SLC16A7: variants seen among roughly 807,000 people sequenced by gnomAD.
SLC16A7 encodes monocarboxylate transporter 2.
Under a neutral mutation model 34.9 loss-of-function variants are expected in SLC16A7, and 33 were observed. The observed-to-expected ratio is 0.94, with a 90% CI of 0.72 to 1.26. SLC16A7 has a LOEUF of 1.26. Among genes scored for constraint, SLC16A7 ranks in the 50% most tolerant of loss-of-function variants. The probability of loss-of-function intolerance (pLI) is 0.00; values close to 1 mark genes in which losing one functional copy is unlikely to be tolerated. For synonymous variants in SLC16A7, 201 were observed against 206.6 expected, an observed-to-expected ratio of 0.97 and a Z score of 0.23; for missense variants, 573 against 578.1, an observed-to-expected ratio of 0.99 and a Z score of 0.09.
chr12:59,760,950 ATTG>A (rs1356938929), intron 3 of SLC16A7, among the ~76,000 whole-genome samples: 3 of 152,252 alleles, frequency 2.0e-5, no homozygotes, highest in Middle Eastern at 3.4e-3. Flanking sequence ...TAATCGTTTC[ATTG>A]TTGTTAGTGA....
chr12:59,733,308 C>A (rs999853907), intron 3 of SLC16A7, among the ~76,000 whole-genome samples: 1 of 152,100 alleles, frequency 6.6e-6, no homozygotes. Context: ...TGCAAAGCGG[C>A]GAGGGGTGTG....
intron 3 of SLC16A7, among the ~76,000 whole-genome samples, chr12:59,765,183 GTT>G (rs897418275): frequency 6.6e-6 from 1 of 152,016 alleles, no homozygotes; most frequent in African/African-American, 2.4e-5. Context: ...GGGGTTGTTT[GTT>G]TTTTTCTTGT....
At chr12:59,695,434 C>G (rs573689069) in intron 2 of SLC16A7, among the ~76,000 whole-genome samples, 2 of 152,084 alleles carry the variant, frequency 1.3e-5, no homozygotes, top group Non-Finnish European at 2.9e-5. Flanking sequence ...CTGCTCTAAT[C>G]CCAGGCCCAG....
chr12:59,771,143 A>G (rs566957189), intron 3 of SLC16A7, 76 bp from the exon 4 acceptor site: 1 of 1,435,010 alleles, frequency 7.0e-7, no homozygotes, highest in Admixed American at 2.1e-5. Context: ...TTGCCTTTCC[A>G]AATGATTGGA....
At chr12:59,635,312 C>T (rs1880368442) in intron 1 of SLC16A7, among the ~76,000 whole-genome samples, 1 of 152,002 alleles carries the variant, frequency 6.6e-6, no homozygotes, top group Non-Finnish European at 1.5e-5. Flanking sequence ...AATTTCTGCC[C>T]CTTATTAACA....
rs1883247234 is a variant in SLC16A7 at position 59,781,572 on chromosome 12, T to G, written c.*1893T>G. 1 of 152,622 alleles carries G rather than the reference T, an allele frequency of 6.6e-6. No individual in the cohort carries two copies. The highest frequency in any genetic ancestry group is 2.1e-4 in the South Asian group (1 of 4,832). 9.5% of individuals were successfully genotyped at this position (152,622 alleles called of 1,614,324 possible). On this transcript the variant is annotated 3_prime_UTR_variant, in exon 6 of 6. Coordinates refer to ENST00000547379, the MANE Select transcript of SLC16A7 (RefSeq NM_001270623.2). ...AGAGATATTTGTATTTTTCAAATGT[T>G]AAGTAAAACAAGATGTGCCAATATC...
At position 59,714,132 on chromosome 12, in the gene SLC16A7, A is replaced by T. The variant is rs189976013; in HGVS notation, c.217+9114A>T. ...AGAGGAAGTGTTTGAGGCAGAGGAAACAGTATTTGTGAAAGCCGTGGAAGA... is the reference window on the plus strand; with the variant it reads ...AGAGGAAGTGTTTGAGGCAGAGGAATCAGTATTTGTGAAAGCCGTGGAAGA... On this transcript the variant is annotated intron_variant, in intron 3 of 5. Coordinates refer to ENST00000547379, the MANE Select transcript of SLC16A7 (RefSeq NM_001270623.2). 8.1e-4 allele frequency among the ~76,000 whole-genome samples: 123 copies of T among 152,298 alleles called. 1 individual carries two copies. The highest frequency in any genetic ancestry group is 6.8e-3 in the Middle Eastern group (2 of 294).
intron 2 of SLC16A7, among the ~76,000 whole-genome samples, chr12:59,669,741 G>T (rs1191086488): frequency 6.6e-6 from 1 of 151,242 alleles, no homozygotes; most frequent in Admixed American, 6.6e-5. Context: ...TGCTGTAAAG[G>T]GTGAAGGCGT....
intron 2 of SLC16A7, among the ~76,000 whole-genome samples, chr12:59,671,066 A>T (rs1247456304): frequency 6.6e-6 from 1 of 152,180 alleles, no homozygotes; most frequent in Admixed American, 6.5e-5. Context: ...AAGCCATCAG[A>T]CAAGAGGGTC....
rs570338445 is a variant in SLC16A7 at position 59,700,206 on chromosome 12, A to G, written c.-30-4566A>G. 1.4e-3 allele frequency among the ~76,000 whole-genome samples: 213 copies of G among 151,828 alleles called. 1 individual carries two copies. Among genetic ancestry groups the G allele is most frequent in the Middle Eastern group, 6.8e-3 (2 of 294 alleles). Reference sequence around the variant, plus strand: ...GTATTGATTGGTTGATGAAAATGTGATCAGAGTCTCACAGAAACCTATCCT... The same window carrying G: ...GTATTGATTGGTTGATGAAAATGTGGTCAGAGTCTCACAGAAACCTATCCT... On this transcript the variant is annotated intron_variant, in intron 2 of 5. Coordinates refer to ENST00000547379, the MANE Select transcript of SLC16A7 (RefSeq NM_001270623.2).
intron 1 of SLC16A7, among the ~76,000 whole-genome samples, chr12:59,633,644 GA>G (rs111470290): frequency 0.015 from 2,154 of 141,954 alleles, 35 homozygotes; most frequent in African/African-American, 0.048. Context: ...GGTAATTTAT[GA>G]AAAAAAAAAA....
At chr12:59,697,486 A>C (rs1427688331) in intron 2 of SLC16A7, among the ~76,000 whole-genome samples, 1 of 151,934 alleles carries the variant, frequency 6.6e-6, no homozygotes, top group Non-Finnish European at 1.5e-5. Context: ...ATCCATTTTT[A>C]CTTCTTTCCG....
intron 2 of SLC16A7, among the ~76,000 whole-genome samples, chr12:59,688,325 T>C (rs892172875): frequency 1.3e-5 from 2 of 152,004 alleles, no homozygotes; most frequent in African/African-American, 4.8e-5. Context: ...ATGACCACTT[T>C]AAGGAGTTCA....
At chr12:59,629,141 A>G (rs1880067659) in intron 1 of SLC16A7, among the ~76,000 whole-genome samples, 3 of 151,820 alleles carry the variant, frequency 2.0e-5, no homozygotes, top group Admixed American at 2.0e-4. Context: ...TCTTATAAGG[A>G]CATTAATCTC....
intron 3 of SLC16A7, among the ~76,000 whole-genome samples, chr12:59,759,942 A>T (rs1880829710): frequency 7.9e-6 from 1 of 127,190 alleles, no homozygotes; most frequent in Non-Finnish European, 1.8e-5. Flanking sequence ...TAGATCAAAA[A>T]TAGATGGCCT....
intron 3 of SLC16A7, chr12:59,763,958 C>CAACAG (rs1182833451): frequency 6.6e-6 from 1 of 152,160 alleles, no homozygotes; most frequent in Non-Finnish European, 1.5e-5. Flanking sequence ...CTCCTAGGGC[C>CAACAG]TCTCTACTGT....
rs116762283 is a variant in SLC16A7, at chr12:59,667,345, T to C, written c.-31+12095T>C. On this transcript the variant is annotated intron_variant, in intron 2 of 5. Coordinates refer to ENST00000547379, the MANE Select transcript of SLC16A7 (RefSeq NM_001270623.2). ...TTGGAGGGCTCAGAAGACAGTAAGATGTGGAAAAGTTTGGAACTTCCTAGA... is the reference window on the plus strand; with the variant it reads ...TTGGAGGGCTCAGAAGACAGTAAGACGTGGAAAAGTTTGGAACTTCCTAGA... 2.7e-3 allele frequency among the ~76,000 whole-genome samples: 408 copies of C among 152,244 alleles called. 2 individuals are homozygous for C. Among genetic ancestry groups the C allele is most frequent in the African/African-American group, 9.0e-3 (375 of 41,556 alleles).
At chr12:59,759,757 A>G (rs1018448845) in intron 3 of SLC16A7, among the ~76,000 whole-genome samples, 1 of 152,008 alleles carries the variant, frequency 6.6e-6, no homozygotes, top group African/African-American at 2.4e-5. Context: ...GATATAGAAC[A>G]ATGCAGTGGT....
At chr12:59,735,864 A>G in intron 3 of SLC16A7, 5 of 779,162 alleles carry the variant, frequency 6.4e-6, no homozygotes, top group Non-Finnish European at 8.4e-6. Flanking sequence ...AAACATACCA[A>G]CATTAGAATA....
Sources: allele counts gnomAD v4.1 joint callset (sites outside exome capture counted in the v4.1 genomes callset), GRCh38; gene constraint gnomAD v4.1.1; transcripts MANE v1.5; gene names NCBI Gene and HGNC (gene_info 2026-07-23, HGNC 2026-07-21).